The following RGS22 variants were observed in gnomAD, a reference collection of about 807,000 sequenced individuals.
The protein encoded by RGS22 is regulator of G-protein signaling 22.
A neutral mutation model predicts 172.9 loss-of-function variants in RGS22; 148 were observed. The observed-to-expected ratio is 0.86, with a 90% CI of 0.75 to 0.98. RGS22 has a LOEUF of 0.98. Ranked by LOEUF, RGS22 falls within the 50% of genes least tolerant of loss-of-function variation. The pLI is 0.00. For missense variants in RGS22, 1,347 were observed against 1,440.8 expected (o/e 0.93, Z 1.05); for synonymous variants, 458 against 480.2 (o/e 0.95, Z 0.60).
intron 14 of RGS22, among the ~76,000 whole-genome samples, chr8:100,009,188 C>T (rs1222152848): frequency 3.9e-5 from 6 of 152,042 alleles, no homozygotes; most frequent in African/African-American, 1.2e-4. Context: ...GAGGCCAAGG[C>T]GGGTGGATCG....
chr8:99,974,047 C>A (rs1452860247), intron 23 of RGS22, among the ~76,000 whole-genome samples: 1 of 152,104 alleles, frequency 6.6e-6, no homozygotes, highest in East Asian at 1.9e-4. Context: ...TGGGTATTTT[C>A]TGCCAATTTA....
At chr8:100,013,854 T>C (rs1816675246) in intron 14 of RGS22, among the ~76,000 whole-genome samples, 1 of 152,182 alleles carries the variant, frequency 6.6e-6, no homozygotes, top group South Asian at 2.1e-4. Flanking sequence ...ATTTCAACTA[T>C]ACTCTTACCA....
At chr8:100,052,536 C>T (rs200692868) in intron 10 of RGS22, among the ~76,000 whole-genome samples, 6 of 151,848 alleles carry the variant, frequency 4.0e-5, no homozygotes, top group Non-Finnish European at 8.8e-5. Context: ...CTCCTGACCT[C>T]GTGATCCGCC....
In RGS22 at chr8:99,982,110, A is replaced by T; in HGVS notation, c.3187T>A (p.Cys1063Ser). 1.9e-6 allele frequency: 3 copies of T among 1,610,834 alleles called. No homozygotes were observed. Residue 1063 changes from cysteine to serine, a missense_variant, in exon 22 of 28, where the codon TGC (cysteine) becomes AGC (serine). Transcript: ENST00000360863. ...WQEVQKYKDLCHSHCDESVIQ... is the reference protein window; with the variant it reads ...WQEVQKYKDLSHSHCDESVIQ... Reference sequence around the variant, plus strand: ...ACAGACTCATCACAATGAGAATGGCACAAGTCCTGAACAGAAGGAAAGATA... The same window carrying T: ...ACAGACTCATCACAATGAGAATGGCTCAAGTCCTGAACAGAAGGAAAGATA...
At chr8:99,998,581 C>A (rs1814641281) in intron 19 of RGS22, among the ~76,000 whole-genome samples, 1 of 152,038 alleles carries the variant, frequency 6.6e-6, no homozygotes, top group African/African-American at 2.4e-5. Context: ...CAGGGTGACC[C>A]CTGACTCTCA....
intron 10 of RGS22, among the ~76,000 whole-genome samples, chr8:100,052,188 C>T (rs372525459): frequency 2.4e-4 from 9 of 38,140 alleles, no homozygotes; most frequent in Non-Finnish European, 4.4e-4. Flanking sequence ...AATATATAAA[C>T]ATATATAAAT....
intron 10 of RGS22, 24 bp from the exon 11 acceptor site, chr8:100,047,620 G>A (rs1299303236): frequency 1.3e-6 from 2 of 1,592,642 alleles, no homozygotes; most frequent in Admixed American, 1.8e-5. Flanking sequence ...ACATAAGCAA[G>A]ATGAAAATGA....
At chr8:100,105,317 T>C (rs1813839540) in intron 2 of RGS22, 57 bp downstream of exon 2, 1 of 1,324,544 alleles carries the variant, frequency 7.5e-7, no homozygotes, top group Non-Finnish European at 1.1e-6. Flanking sequence ...TATGATCTAA[T>C]ATTTGCTATT....
intron 14 of RGS22, among the ~76,000 whole-genome samples, chr8:100,018,436 AC>A (rs1341376929): frequency 1.3e-5 from 2 of 151,950 alleles, no homozygotes; most frequent in Non-Finnish European, 2.9e-5. Context: ...GAAGACACAC[AC>A]ACACACACAC....
chr8:99,964,508 C>T (rs1206517421), intron 24 of RGS22, among the ~76,000 whole-genome samples: 2 of 150,712 alleles, frequency 1.3e-5, no homozygotes, highest in Admixed American at 6.6e-5. Context: ...AAGCAGCAGC[C>T]TGATATCTCT....
chr8:100,072,043 A>T, intron 5 of RGS22, 102 bp downstream of exon 5: 1 of 690,238 alleles, frequency 1.4e-6, no homozygotes, highest in Non-Finnish European at 2.4e-6. Flanking sequence ...CAAAGAATTT[A>T]AAAGATTTGC....
intron 2 of RGS22, among the ~76,000 whole-genome samples, chr8:100,097,838 C>G (rs757228906): frequency 1.4e-4 from 21 of 152,316 alleles, no homozygotes; most frequent in Admixed American, 3.9e-4. Flanking sequence ...CCACACCACC[C>G]TATGGGTCAG....
rs1238795422 is a variant in RGS22, at chr8:100,032,900, C to T, written c.2166+6031G>A. ...ACACAACTACATGGAAACGGAACAA[C>T]CTGCTCCTGAATGACTACTGAGTAA... On this transcript the variant is annotated intron_variant, in intron 14 of 27. Coordinates refer to ENST00000360863, the MANE Select transcript of RGS22 (RefSeq NM_015668.5). Among the ~76,000 whole-genome samples the T allele has an allele frequency of 2.6e-5, 4 of 152,190 alleles. 1 individual carries two copies. Among genetic ancestry groups the T allele is most frequent in the South Asian group, 4.1e-4 (2 of 4,828 alleles).
At chr8:99,992,215 G>A (rs1450772357) in intron 20 of RGS22, among the ~76,000 whole-genome samples, 2 of 152,052 alleles carry the variant, frequency 1.3e-5, no homozygotes, top group Admixed American at 6.6e-5. Flanking sequence ...CAATTAACAG[G>A]CAAAATAACC....
At chr8:100,068,628 T>C (rs1360650344) in intron 6 of RGS22, among the ~76,000 whole-genome samples, 1 of 152,062 alleles carries the variant, frequency 6.6e-6, no homozygotes, top group Non-Finnish European at 1.5e-5. Flanking sequence ...TTCTATAGTA[T>C]ATAAATTAAG....
At chr8:100,077,249 A>G (rs1250051005) in intron 4 of RGS22, among the ~76,000 whole-genome samples, 2 of 151,966 alleles carry the variant, frequency 1.3e-5, no homozygotes, top group Non-Finnish European at 2.9e-5. Flanking sequence ...TTCTGTTTTC[A>G]ATTTCATTGA....
intron 3 of RGS22, among the ~76,000 whole-genome samples, chr8:100,083,021 GC>G (rs1175816973): frequency 6.6e-6 from 1 of 152,202 alleles, no homozygotes; most frequent in Non-Finnish European, 1.5e-5. Flanking sequence ...GGCTTTGCAT[GC>G]CATTTTAACA....
intron 14 of RGS22, among the ~76,000 whole-genome samples, chr8:100,015,264 C>T (rs1403229184): frequency 6.6e-6 from 1 of 152,064 alleles, no homozygotes; most frequent in East Asian, 1.9e-4. Context: ...CTCTCCCTTC[C>T]TCCTGTGTTT....
At chr8:100,068,129 C>T (rs1417660437) in intron 6 of RGS22, among the ~76,000 whole-genome samples, 1 of 152,084 alleles carries the variant, frequency 6.6e-6, no homozygotes, top group Non-Finnish European at 1.5e-5. Context: ...TGGTTCATGC[C>T]TATAATCCTA....
Sources: allele counts gnomAD v4.1 joint callset (sites outside exome capture counted in the v4.1 genomes callset), GRCh38; gene constraint gnomAD v4.1.1; transcripts MANE v1.5; gene names NCBI Gene and HGNC (gene_info 2026-07-23, HGNC 2026-07-21).